CCDC157: variants seen among roughly 807,000 people sequenced by gnomAD.
CCDC157 encodes the protein coiled-coil domain containing 157, also known as coiled-coil domain-containing protein 157.
In CCDC157, 60 loss-of-function variants were observed where a neutral mutation model predicts 70.9. The ratio of observed to expected loss-of-function variants is 0.85; its 90% CI spans 0.69 to 1.05. CCDC157 has a LOEUF of 1.05. Ranked by LOEUF, CCDC157 falls within the 50% of genes least tolerant of loss-of-function variation. The pLI is 0.00. For missense variants in CCDC157, 943 were observed against 984.2 expected, an observed-to-expected ratio of 0.96 and a Z score of 0.56; for synonymous variants, 373 against 422.4, an observed-to-expected ratio of 0.88 and a Z score of 1.43.
chr22:30,366,094 G>T lies in CCDC157; in HGVS notation c.94G>T (p.Ala32Ser), dbSNP rs61732296. Residue 32 changes from alanine to serine, a missense_variant, in exon 3 of 12, where the codon GCC (alanine) becomes TCC (serine). Physicochemically the swap from Ala to Ser is moderately conservative, Grantham distance 99. Coordinates refer to ENST00000338306, the MANE Select transcript of CCDC157 (RefSeq NM_001017437.5). ...TGCCATCGTAGACGTCTTCTCCCGC[G>T]CCGGGCCTGTGCGCTTCCCCTCCTG... The part of the protein sequence containing the change: ...QGAIVDVFSR[A>S]GPVRFPSWKF... 2.5e-6 allele frequency: 4 copies of T among 1,612,042 alleles called. No individual in the cohort carries two copies. The highest frequency in any genetic ancestry group is 4.5e-5 in the East Asian group (2 of 44,872).
At chr22:30,373,279 A>C in intron 7 of CCDC157, 1 of 306,150 alleles carries the variant, frequency 3.3e-6, no homozygotes, top group Non-Finnish European at 6.2e-6. Flanking sequence ...AGTTCCCAGA[A>C]TTCCTCTCCA....
At chr22:30,376,145 C>T in intron 10 of CCDC157, 114 bp from the exon 11 acceptor site, 1 of 905,144 alleles carries the variant, frequency 1.1e-6, no homozygotes, top group Non-Finnish European at 1.7e-6. Context: ...TGAAAGGGCC[C>T]ATGGATATGC....
chr22:30,369,255 T>G, intron 3 of CCDC157, 177 bp from the exon 4 acceptor site: 1 of 472,690 alleles, frequency 2.1e-6, no homozygotes, highest in Non-Finnish European at 3.5e-6. Context: ...CAGGGAGGGC[T>G]TCCCTGAGGA....
chr22:30,373,963 A>T lies in CCDC157; in HGVS notation c.1544A>T (p.Glu515Val), dbSNP rs1933144111. 6.2e-7 allele frequency: 1 copy of T among 1,612,912 alleles called. No individual in the cohort carries two copies. Among genetic ancestry groups the T allele is most frequent in the African/African-American group, 1.3e-5 (1 of 75,024 alleles). Reference protein sequence around the residue: ...QSLQREKQGLEQATTDLRLTI... With the variant: ...QSLQREKQGLVQATTDLRLTI... ...CTGCAGAGGGAGAAGCAAGGCCTGG[A>T]GCAGGCGACTACGGACCTGCGGCTA... The change falls in exon 9 of 12, where the codon GAG becomes GTG. Residue 515 changes from glutamate to valine, a missense_variant. Physicochemically the swap from Glu to Val is moderately radical, Grantham distance 121. Transcript: ENST00000338306.
intron 2 of CCDC157, 41 bp from the exon 3 acceptor site, chr22:30,365,949 A>G: frequency 6.6e-7 from 1 of 1,525,346 alleles, no homozygotes; most frequent in African/African-American, 1.4e-5. Context: ...TGCAGCAGCC[A>G]CGTGGCTCTG....
At position 30,376,628 on chromosome 22, in the gene CCDC157, C is replaced by T. The variant is rs1933387509; in HGVS notation, c.2142C>T (p.Thr714=). 1.2e-6 allele frequency: 2 copies of T among 1,613,844 alleles called. No individual in the cohort carries two copies. ...GCAAGTCCTTGCTGGAGGGTGTGAC[C>T]CACTTGGACACCTGCACCCAGAACC... ...QPSKSLLEGV[T]HLDTCTQNPI... Residue 714 remains threonine, a synonymous_variant, in exon 12 of 12, where the codon ACC becomes ACT. Transcript: ENST00000338306.
rs371095807 is a variant in CCDC157 at position 30,378,037 on chromosome 22, C to T, written c.*1292C>T. The T allele has an allele frequency of 3.7e-5, 17 of 457,570 alleles. No homozygotes were observed. Among genetic ancestry groups the T allele is most frequent in the East Asian group, 2.1e-4 (3 of 14,244 alleles). The allele number at this position is 457,570 out of a possible 1,614,324, so 28.3% of individuals were successfully genotyped here. On this transcript the variant is annotated 3_prime_UTR_variant, in exon 12 of 12. Transcript: ENST00000338306. ...CTTGTTGGCAGAATTCCGATCCTTGCGGCTGTGGGACTGAGGTCCCCATGT... is the reference window on the plus strand; with the variant it reads ...CTTGTTGGCAGAATTCCGATCCTTGTGGCTGTGGGACTGAGGTCCCCATGT...
At chr22:30,370,033 C>G (rs1163499801) in intron 4 of CCDC157, 1 of 524,580 alleles carries the variant, frequency 1.9e-6, no homozygotes, top group Non-Finnish European at 3.4e-6. Flanking sequence ...AGCAAGAGCC[C>G]AGTAACCAGC....
intron 9 of CCDC157, chr22:30,374,682 CT>C (rs1933212018): frequency 2.2e-6 from 1 of 456,688 alleles, no homozygotes; most frequent in Admixed American, 2.3e-5. Context: ...CTTCTGTCCC[CT>C]TCTCAACCAC....
At chr22:30,362,661 C>T (rs377292939) in intron 2 of CCDC157, among the ~76,000 whole-genome samples, 1 of 152,188 alleles carries the variant, frequency 6.6e-6, no homozygotes, top group African/African-American at 2.4e-5. Context: ...GGAAGTGGCT[C>T]ACCCCTCAGG....
intron 3 of CCDC157, among the ~76,000 whole-genome samples, chr22:30,367,672 CAAAG>C (rs897946103): frequency 5.3e-5 from 8 of 151,524 alleles, no homozygotes; most frequent in African/African-American, 1.9e-4. Flanking sequence ...GCCCCTGTCT[CAAAG>C]AAAGAAAAAG....
intron 1 of CCDC157, among the ~76,000 whole-genome samples, chr22:30,360,638 G>A (rs540294750): frequency 2.6e-5 from 4 of 152,162 alleles, no homozygotes; most frequent in Admixed American, 1.3e-4. Context: ...CTGGCGGGGC[G>A]CGATAGTTCA....
At chr22:30,356,755 G>A (rs1277272084), upstream of CCDC157, 3 of 1,485,256 alleles carry the variant, frequency 2.0e-6, no homozygotes, top group African/African-American at 1.4e-5. Flanking sequence ...GGGCACGGGC[G>A]GCGGCGGGGG....
intron 7 of CCDC157, 153 bp downstream of exon 7, chr22:30,372,439 C>T (rs1476385924): frequency 9.1e-7 from 1 of 1,103,530 alleles, no homozygotes; most frequent in East Asian, 2.7e-5. Context: ...TACAGAGAGT[C>T]TACCCTGAAC....
At position 30,372,082 on chromosome 22, in the gene CCDC157, G is replaced by T. The variant is rs1357778320; in HGVS notation, c.1131G>T (p.Lys377Asn). The stretch of plus-strand genomic sequence containing the variant: ...GTCCACTTAATGCTGCAGAGGCAAA[G>T]GCCCAGCAGCTGCAGGAGGAAGGTG... The part of the protein sequence containing the change: ...QRESTQAVEA[K>N]AQQLQEEGER... The change falls in exon 7 of 12, where the codon AAG (lysine) becomes AAT (asparagine). Residue 377 changes from lysine (K) to asparagine (N), a missense_variant. Physicochemically the swap from Lys to Asn is moderately conservative, Grantham distance 94. Transcript: ENST00000338306. The T allele has an allele frequency of 6.5e-7, 1 of 1,543,628 alleles. No individual in the cohort carries two copies. The highest frequency in any genetic ancestry group is 8.8e-7 in the Non-Finnish European group (1 of 1,141,288).
chr22:30,376,797 T>A lies in CCDC157; in HGVS notation c.*52T>A. The A allele has an allele frequency of 6.5e-7, 1 of 1,536,732 alleles. No individual in the cohort carries two copies. Among genetic ancestry groups the A allele is most frequent in the Non-Finnish European group, 8.9e-7 (1 of 1,127,450 alleles). On this transcript the variant is annotated 3_prime_UTR_variant, in exon 12 of 12. Transcript: ENST00000338306. ...GGGAGGTGGCTGGCAGCCCACCCAC[T>A]GTAATAAAGCCCCAGCCATTGGCCC...
chr22:30,374,376 T>A (rs951152516), intron 9 of CCDC157: 3 of 606,232 alleles, frequency 4.9e-6, no homozygotes, highest in Non-Finnish European at 9.3e-6. Context: ...CAGCCTGTGC[T>A]CTTCACTACG....
In CCDC157 at chr22:30,373,679, A is replaced by G; in HGVS notation, c.1418A>G (p.Asp473Gly). The change falls in exon 8 of 12, where the codon GAC becomes GGC. Residue 473 changes from aspartate to glycine, a missense_variant. By Grantham distance (94) the Asp-to-Gly change is moderately conservative. Transcript: ENST00000338306. ...QEREELRGSLDEAEAQRARVE... is the reference protein window; with the variant it reads ...QEREELRGSLGEAEAQRARVE... The stretch of plus-strand genomic sequence containing the variant: ...CGTGAGGAGCTGCGGGGCAGCCTGG[A>G]CGAGGCTGAGGCCCAGCGGGCCCGC... 5 of 1,555,906 alleles carry G rather than the reference A, an allele frequency of 3.2e-6. No individual in the cohort carries two copies. Among genetic ancestry groups the G allele is most frequent in the Non-Finnish European group, 4.3e-6 (5 of 1,149,852 alleles).
At chr22:30,374,948 C>G (rs1167898387) in intron 9 of CCDC157, 4 of 310,940 alleles carry the variant, frequency 1.3e-5, no homozygotes, top group Non-Finnish European at 2.5e-5. Flanking sequence ...TGCTTATTTG[C>G]TAAGTCTTTT....
Sources: allele counts gnomAD v4.1 joint callset (sites outside exome capture counted in the v4.1 genomes callset), GRCh38; gene constraint gnomAD v4.1.1; transcripts MANE v1.5; gene names NCBI Gene and HGNC (gene_info 2026-07-23, HGNC 2026-07-21).